FBXO17: variants seen among roughly 807,000 people sequenced by gnomAD.
FBXO17 encodes the protein F-box only protein 17.
Under a neutral mutation model 34.1 loss-of-function variants are expected in FBXO17, and 43 were observed. The observed-to-expected ratio is 1.26, with a 90% CI of 0.99 to 1.62. The LOEUF is 1.62. FBXO17 is among the 40% of genes most tolerant of loss of function. The pLI is 0.00. For synonymous variants in FBXO17, 169 were observed against 166.0 expected (o/e 1.02, Z -0.14); for missense variants, 424 against 386.7 (o/e 1.10, Z -0.81).
chr19:38,968,085 C>T (rs1362895768), intron 1 of FBXO17, among the ~76,000 whole-genome samples: 1 of 152,026 alleles, frequency 6.6e-6, no homozygotes, highest in Non-Finnish European at 1.5e-5. Flanking sequence ...CCTGTAATCC[C>T]AGCACTTTGG....
intron 1 of FBXO17, among the ~76,000 whole-genome samples, chr19:38,961,182 C>G (rs1274862919): frequency 6.6e-6 from 1 of 151,946 alleles, no homozygotes; most frequent in African/African-American, 2.4e-5. Flanking sequence ...CCTCAATTAA[C>G]TGTGTTCATT....
chr19:38,967,085 C>T (rs1393963232), intron 1 of FBXO17, among the ~76,000 whole-genome samples: 1 of 152,144 alleles, frequency 6.6e-6, no homozygotes, highest in Non-Finnish European at 1.5e-5. Flanking sequence ...TTTGTACTTG[C>T]ACATTATATA....
At chr19:38,942,873 G>C in intron 5 of FBXO17, 122 bp from the exon 6 acceptor site, 1 of 1,241,426 alleles carries the variant, frequency 8.1e-7, no homozygotes, top group South Asian at 1.6e-5. Context: ...TGGGGACGGA[G>C]CAGTGAATAA....
intron 1 of FBXO17, among the ~76,000 whole-genome samples, chr19:38,954,894 T>C (rs1217932637): frequency 8.8e-6 from 1 of 113,424 alleles, no homozygotes; most frequent in East Asian, 2.5e-4. Context: ...CAATGTGTTA[T>C]TTTATTATTA....
chr19:38,969,321 T>C (rs1975360378), intron 1 of FBXO17, among the ~76,000 whole-genome samples: 1 of 151,380 alleles, frequency 6.6e-6, no homozygotes, highest in African/African-American at 2.4e-5. Context: ...CGTGTGTGTG[T>C]AGTCCCAGTT....
At chr19:38,956,244 C>T (rs1186240909) in intron 1 of FBXO17, among the ~76,000 whole-genome samples, 1 of 144,162 alleles carries the variant, frequency 6.9e-6, no homozygotes, top group Non-Finnish European at 1.5e-5. Context: ...CCAGCCTGGG[C>T]GATAGACTGA....
chr19:38,961,282 CT>C (rs113778086), intron 1 of FBXO17, among the ~76,000 whole-genome samples: 9 of 142,454 alleles, frequency 6.3e-5, no homozygotes, highest in Middle Eastern at 3.4e-3. Flanking sequence ...GATTTTAAAT[CT>C]TTTTTTTTTT....
At chr19:38,948,525 C>A in intron 3 of FBXO17, 42 bp downstream of exon 3, 1 of 1,528,816 alleles carries the variant, frequency 6.5e-7, no homozygotes, top group Non-Finnish European at 9.0e-7. Flanking sequence ...TTCTTTGGGG[C>A]CTTTGCCCCA....
chr19:38,965,076 C>T (rs990180635), intron 1 of FBXO17, among the ~76,000 whole-genome samples: 3 of 152,058 alleles, frequency 2.0e-5, no homozygotes, highest in East Asian at 3.9e-4. Context: ...GAAAAAGTGG[C>T]GGGATAGCAA....
intron 5 of FBXO17, among the ~76,000 whole-genome samples, chr19:38,943,694 A>G (rs992607167): frequency 5.9e-5 from 9 of 151,630 alleles, no homozygotes; most frequent in Admixed American, 1.3e-4. Context: ...CGGTTCAATA[A>G]ATTCTCCCGC....
intron 1 of FBXO17, among the ~76,000 whole-genome samples, chr19:38,960,357 C>A (rs1432507782): frequency 2.0e-5 from 3 of 151,334 alleles, no homozygotes; most frequent in Non-Finnish European, 4.4e-5. Flanking sequence ...GAACTTGTGC[C>A]TTTGCCGTCA....
chr19:38,962,054 T>C (rs1470909635), intron 1 of FBXO17, among the ~76,000 whole-genome samples: 1 of 150,062 alleles, frequency 6.7e-6, no homozygotes, highest in Non-Finnish European at 1.5e-5. Context: ...ACGACCTCAT[T>C]GTTCTAAGCT....
chr19:38,956,200 A>G (rs2144826841), intron 1 of FBXO17, among the ~76,000 whole-genome samples: 1 of 148,802 alleles, frequency 6.7e-6, no homozygotes, highest in East Asian at 2.0e-4. Context: ...CGGGAGGTGG[A>G]GGTTGCAGTG....
chr19:38,943,783 G>A (rs573746553), intron 5 of FBXO17, among the ~76,000 whole-genome samples: 1 of 152,056 alleles, frequency 6.6e-6, no homozygotes, highest in East Asian at 1.9e-4. Flanking sequence ...TAGAGACAGG[G>A]TTTCACTGTG....
At chr19:38,966,365 T>C (rs1179590879) in intron 1 of FBXO17, among the ~76,000 whole-genome samples, 1 of 151,516 alleles carries the variant, frequency 6.6e-6, no homozygotes, top group Non-Finnish European at 1.5e-5. Context: ...CTCAAACTCC[T>C]GGCCTCAAAT....
At chr19:38,974,541 A>C (rs2144850294) in intron 1 of FBXO17, among the ~76,000 whole-genome samples, 1 of 152,302 alleles carries the variant, frequency 6.6e-6, no homozygotes, top group Non-Finnish European at 1.5e-5. Context: ...TGTCCTGACT[A>C]TACAGGGAGG....
intron 1 of FBXO17, among the ~76,000 whole-genome samples, chr19:38,965,807 A>C (rs907728571): frequency 6.6e-6 from 1 of 151,444 alleles, no homozygotes; most frequent in African/African-American, 2.4e-5. Context: ...ATTCCCAGCT[A>C]ATTTTTATAT....
intron 1 of FBXO17, among the ~76,000 whole-genome samples, chr19:38,964,443 C>T (rs1037113500): frequency 6.6e-6 from 1 of 152,026 alleles, no homozygotes; most frequent in Non-Finnish European, 1.5e-5. Context: ...TCAAGCGATT[C>T]TCCTGCCTCA....
intron 5 of FBXO17, among the ~76,000 whole-genome samples, chr19:38,943,939 C>A (rs767183535): frequency 6.6e-6 from 1 of 152,118 alleles, no homozygotes; most frequent in Non-Finnish European, 1.5e-5. Context: ...AGTTGATTCA[C>A]GATATTATGC....
Sources: allele counts gnomAD v4.1 joint callset (sites outside exome capture counted in the v4.1 genomes callset), GRCh38; gene constraint gnomAD v4.1.1; transcripts MANE v1.5; gene names NCBI Gene and HGNC (gene_info 2026-07-23, HGNC 2026-07-21).